COL5A2: variants seen among roughly 807,000 people sequenced by gnomAD.
COL5A2 encodes collagen alpha-2(V) chain.
Under a neutral mutation model 208.2 loss-of-function variants are expected in COL5A2, and 23 were observed. The ratio of observed to expected loss-of-function variants is 0.11; its 90% CI spans 0.08 to 0.16. COL5A2 has a LOEUF of 0.16. COL5A2 is among the 10% of genes least tolerant of loss of function. The probability of loss-of-function intolerance (pLI) is 1.00; values close to 1 mark genes in which losing one functional copy is unlikely to be tolerated. For missense variants in COL5A2, 1,590 were observed against 1,956.4 expected (o/e 0.81, Z 3.53); for synonymous variants, 625 against 628.5 (o/e 0.99, Z 0.08).
At chr2:189,326,979 G>T in the COL5A2 span, among the ~76,000 whole-genome samples, 1 of 151,468 alleles carries the variant, frequency 6.6e-6, no homozygotes, top group Non-Finnish European at 1.5e-5. Flanking sequence ...GCTGAGGCAG[G>T]AGAATGGCTT....
chr2:189,275,513 G>A, the COL5A2 span, among the ~76,000 whole-genome samples: 30 of 146,834 alleles, frequency 2.0e-4, no homozygotes, highest in African/African-American at 7.5e-4. Context: ...GAGTGCAATG[G>A]CACAATTTCA....
At chr2:189,346,359 AG>A in the COL5A2 span, among the ~76,000 whole-genome samples, 5 of 152,172 alleles carry the variant, frequency 3.3e-5, no homozygotes, top group South Asian at 1.0e-3. Context: ...CTGGAACTCC[AG>A]GATAAGATCC....
chr2:189,064,495 A>G (rs1686102492), intron 25 of COL5A2, 62 bp downstream of exon 25: 1 of 1,156,752 alleles, frequency 8.6e-7, no homozygotes, highest in East Asian at 2.3e-5. Flanking sequence ...CAAAAACCCG[A>G]CCAATGCATG....
Position 189,128,792 on chromosome 2 carries a change from G to T in COL5A2, c.98-18343C>A, listed in dbSNP as rs1033028625. Among the ~76,000 whole-genome samples, 8 of 151,886 alleles carry T rather than the reference G, an allele frequency of 5.3e-5. 1 individual carries two copies. Among genetic ancestry groups the T allele is most frequent in the East Asian group, 1.9e-4 (1 of 5,184 alleles). On this transcript the variant is annotated intron_variant, in intron 1 of 53. Coordinates refer to ENST00000374866, the MANE Select transcript of COL5A2 (RefSeq NM_000393.5). Reference sequence around the variant, plus strand: ...CAATTAGGCACCTTTCCTTCCTTACGTCCAGCTGTTAGAGAAGACTATATC... The same window carrying T: ...CAATTAGGCACCTTTCCTTCCTTACTTCCAGCTGTTAGAGAAGACTATATC...
At chr2:189,389,203 C>T in the COL5A2 span, among the ~76,000 whole-genome samples, 1 of 152,174 alleles carries the variant, frequency 6.6e-6, no homozygotes, top group Non-Finnish European at 1.5e-5. Context: ...GCTAATAGTA[C>T]ACTTTCTTAC....
At chr2:189,261,697 G>A in the COL5A2 span, among the ~76,000 whole-genome samples, 136 of 152,278 alleles carry the variant, frequency 8.9e-4, no homozygotes, top group East Asian at 0.023. Flanking sequence ...CACAGAATTT[G>A]GGGTAGAGTG....
the COL5A2 span, among the ~76,000 whole-genome samples, chr2:189,398,733 T>G: frequency 6.6e-6 from 1 of 152,192 alleles, no homozygotes; most frequent in Non-Finnish European, 1.5e-5. Context: ...TTAATTGGTG[T>G]CATTCATCTG....
intron 1 of COL5A2, among the ~76,000 whole-genome samples, chr2:189,110,947 G>A (rs1687247772): frequency 6.6e-6 from 1 of 152,016 alleles, no homozygotes; most frequent in Non-Finnish European, 1.5e-5. Flanking sequence ...AAAGAAAAAG[G>A]TGTATGTTTT....
chr2:189,136,610 T>G (rs1380000289), intron 1 of COL5A2, among the ~76,000 whole-genome samples: 1 of 151,234 alleles, frequency 6.6e-6, no homozygotes, highest in Non-Finnish European at 1.5e-5. Flanking sequence ...TATGAAATTT[T>G]ATGATGCTAA....
chr2:189,233,630 G>A, the COL5A2 span, among the ~76,000 whole-genome samples: 1 of 150,812 alleles, frequency 6.6e-6, no homozygotes, highest in Non-Finnish European at 1.5e-5. Flanking sequence ...TTGTTTTATT[G>A]TTGGAAGAAG....
chr2:189,104,284 A>T lies in COL5A2; in HGVS notation c.323-7T>A. Reference sequence around the variant, plus strand: ...CTTACCTTTCTTCCTCTACCTGTAAAAAGAAAAGAGTAAATGTGTTATTTT... The same window carrying T: ...CTTACCTTTCTTCCTCTACCTGTAATAAGAAAAGAGTAAATGTGTTATTTT... On this transcript the variant is annotated splice_region_variant and splice_polypyrimidine_tract_variant and intron_variant, in intron 2 of 53. Transcript: ENST00000374866. 1.3e-6 allele frequency: 2 copies of T among 1,499,290 alleles called. No individual in the cohort carries two copies. The highest frequency in any genetic ancestry group is 1.9e-6 in the Non-Finnish European group (2 of 1,077,938). 92.9% of individuals were successfully genotyped at this position (1,499,290 alleles called of 1,614,324 possible). A position where few individuals can be genotyped will look rare whatever the true frequency, so the allele number is the denominator to read the frequency against.
At chr2:189,170,946 G>T (rs1023082942) in intron 1 of COL5A2, among the ~76,000 whole-genome samples, 8 of 152,090 alleles carry the variant, frequency 5.3e-5, no homozygotes, top group Middle Eastern at 3.2e-3. Flanking sequence ...TGTGTAAAAC[G>T]GATTCATGGA....
At chr2:189,271,297 T>G in the COL5A2 span, among the ~76,000 whole-genome samples, 1 of 152,136 alleles carries the variant, frequency 6.6e-6, no homozygotes, top group African/African-American at 2.4e-5. Flanking sequence ...ATGGTACTAG[T>G]ACCAACACAG....
intron 11 of COL5A2, among the ~76,000 whole-genome samples, chr2:189,084,441 T>C (rs73978837): frequency 0.018 from 2,680 of 152,288 alleles, 23 homozygotes; most frequent in Non-Finnish European, 0.02. Context: ...ATTTCTTTCC[T>C]GTGGTTAAAA....
the COL5A2 span, among the ~76,000 whole-genome samples, chr2:189,242,421 G>C: frequency 3.3e-5 from 5 of 152,244 alleles, no homozygotes; most frequent in East Asian, 7.7e-4. Flanking sequence ...TAATTGGCAG[G>C]ATTTAAATAC....
chr2:189,176,093 G>GT (rs1448754245), intron 1 of COL5A2, among the ~76,000 whole-genome samples: 1 of 151,746 alleles, frequency 6.6e-6, no homozygotes, highest in Non-Finnish European at 1.5e-5. Flanking sequence ...TTTTTGTATC[G>GT]TAACAATGAG....
intron 24 of COL5A2, 33 bp downstream of exon 24, chr2:189,064,971 A>G: frequency 6.2e-7 from 1 of 1,608,962 alleles, no homozygotes; most frequent in Non-Finnish European, 8.5e-7. Context: ...AGCACCCCCC[A>G]CGTAAGTATC....
the COL5A2 span, among the ~76,000 whole-genome samples, chr2:189,431,129 A>G: frequency 1.2e-4 from 19 of 152,340 alleles, no homozygotes; most frequent in South Asian, 3.9e-3. Context: ...ACTAACAAAC[A>G]GAAAGGAATA....
chr2:189,293,957 G>A, the COL5A2 span, among the ~76,000 whole-genome samples: 115 of 152,142 alleles, frequency 7.6e-4, no homozygotes, highest in Non-Finnish European at 1.3e-3. Context: ...GCATGGTGGC[G>A]GGCGCCTGTA....
Sources: allele counts gnomAD v4.1 joint callset (sites outside exome capture counted in the v4.1 genomes callset), GRCh38; gene constraint gnomAD v4.1.1; transcripts MANE v1.5; gene names NCBI Gene and HGNC (gene_info 2026-07-23, HGNC 2026-07-21).